Variants in FOXRED1 observed in about 807,000 individuals in gnomAD.
FOXRED1 encodes FAD-dependent oxidoreductase domain-containing protein 1.
In FOXRED1, 52 loss-of-function variants were observed where a neutral mutation model predicts 57.8. The ratio of observed to expected loss-of-function variants is 0.90; its 90% CI spans 0.72 to 1.13. FOXRED1 has a LOEUF of 1.13. Among genes scored for constraint, FOXRED1 ranks in the 50% most tolerant of loss-of-function variants. The probability of loss-of-function intolerance (pLI) is 0.00; values close to 1 mark genes in which losing one functional copy is unlikely to be tolerated. For synonymous variants in FOXRED1, 271 were observed against 248.3 expected (o/e 1.09, Z -0.86); for missense variants, 589 against 625.2 (o/e 0.94, Z 0.62).
At position 126,277,099 on chromosome 11, in the gene FOXRED1, A is replaced by C. The variant is rs1458756902; in HGVS notation, c.1130A>C (p.Glu377Ala). 2 of 1,613,502 alleles carry C rather than the reference A, an allele frequency of 1.2e-6. No individual in the cohort carries two copies. Among genetic ancestry groups the C allele is most frequent in the Non-Finnish European group, 1.7e-6 (2 of 1,179,788 alleles). Residue 377 changes from glutamate (E) to alanine (A), a missense_variant, in exon 10 of 11, where the codon GAA becomes GCA. Glu to Ala is a moderately radical substitution (Grantham distance 107). Transcript: ENST00000263578. This position sits in a 1 kb window ranked among gnomAD's most constrained non-coding sequence, Gnocchi z 6.8. ...EQEEPDPANL[E>A]VDHDFFQDKV... ...GAAGAACCGGACCCGGCGAACCTGG[A>C]AGTGGACCATGATTTCTTCCAGGAC...
At position 126,273,207 on chromosome 11, in the gene FOXRED1, G is replaced by T. The variant is rs1039805478; in HGVS notation, c.417+128G>T. The T allele has an allele frequency of 1.8e-5, 17 of 951,476 alleles. No individual in the cohort carries two copies. The Admixed American group carries it at 2.5e-4, about 14-fold the overall frequency. 58.9% of individuals were successfully genotyped at this position (951,476 alleles called of 1,614,324 possible). On this transcript the variant is annotated intron_variant, in intron 3 of 10. Transcript: ENST00000263578. This position sits in a 1 kb window ranked among gnomAD's most constrained non-coding sequence, Gnocchi z 5.9. ...AGCCAACTAGGAGAGGGGGGCCCTGGCCTTCTTCCTAGTGGTGGTGCCGCA... is the reference window on the plus strand; with the variant it reads ...AGCCAACTAGGAGAGGGGGGCCCTGTCCTTCTTCCTAGTGGTGGTGCCGCA...
At chr11:126,276,571 T>C in intron 9 of FOXRED1, 48 bp downstream of exon 9, 3 of 1,587,460 alleles carry the variant, frequency 1.9e-6, no homozygotes, top group Non-Finnish European at 2.6e-6. Context: ...ATAGAATAAT[T>C]GTCACGAAAC....
Position 126,274,645 on chromosome 11 carries a change from G to T in FOXRED1, c.537-282G>T, listed in dbSNP as rs1253163550. ...CCTGGGTGACAGAGCCAGACTCATT[G>T]AAAAAAAAAAAAAGAAGTCATGGAA... is the stretch of plus-strand genomic sequence containing the variant. On this transcript the variant is annotated intron_variant, in intron 4 of 10. Transcript: ENST00000263578. This position sits in a 1 kb window ranked among gnomAD's most constrained non-coding sequence, Gnocchi z 4.8. 8 of 354,628 alleles carry T rather than the reference G, an allele frequency of 2.3e-5. No individual in the cohort carries two copies. The highest frequency in any genetic ancestry group is 4.3e-5 in the Non-Finnish European group (8 of 186,884). The allele number at this position is 354,628 out of a possible 1,614,324, so 22.0% of individuals were successfully genotyped here.
At position 126,271,490 on chromosome 11, in the gene FOXRED1, G is replaced by A; in HGVS notation, c.139G>A (p.Gly47Arg). 1.9e-6 allele frequency: 3 copies of A among 1,614,148 alleles called. No homozygotes were observed. Among genetic ancestry groups the A allele is most frequent in the Non-Finnish European group, 2.5e-6 (3 of 1,179,960 alleles). The change falls in exon 2 of 11, where the codon GGA becomes AGA. Residue 47 changes from glycine to arginine, a missense_variant. By Grantham distance (125) the Gly-to-Arg change is moderately radical. Transcript: ENST00000263578. This position sits in a 1 kb window ranked among gnomAD's most constrained non-coding sequence, Gnocchi z 5.3. ...GAAGAAGATCAAGTCGATCCTGCCT[G>A]GAAGGTCCTGTGATCTACTGCAAGA... The part of the protein sequence containing the change: ...IKKKIKSILP[G>R]RSCDLLQDTS...
chr11:126,272,769 C>G lies in FOXRED1; in HGVS notation c.307-200C>G. The G allele has an allele frequency of 3.2e-6, 2 of 633,946 alleles. No individual in the cohort carries two copies. The highest frequency in any genetic ancestry group is 5.7e-6 in the Non-Finnish European group (2 of 350,908). 39.3% of individuals were successfully genotyped at this position (633,946 alleles called of 1,614,324 possible). ...TGTCAGCTCTTTCCAGATGACTGAC[C>G]CTCTCTGCTCTGCACATCCACTACT... On this transcript the variant is annotated intron_variant, in intron 2 of 10. Transcript: ENST00000263578. The surrounding 1 kb of genome is among the most constrained non-coding windows in gnomAD (Gnocchi z 4.6).
rs1951059596 is a variant in FOXRED1 at position 126,273,922 on chromosome 11, C to G, written c.536+468C>G. On this transcript the variant is annotated intron_variant, in intron 4 of 10. Coordinates refer to ENST00000263578, the MANE Select transcript of FOXRED1 (RefSeq NM_017547.4). This position sits in a 1 kb window ranked among gnomAD's most constrained non-coding sequence, Gnocchi z 5.9. ...AAGGAGTGTGGCTCATTTATGAAAA[C>G]AGGCAGCAGGTCGGATTTGGCAACC... is the stretch of plus-strand genomic sequence containing the variant. 9.9e-6 allele frequency: 2 copies of G among 201,214 alleles called. No homozygotes were observed. The highest frequency in any genetic ancestry group is 5.3e-5 in the Admixed American group (1 of 18,958). 12.5% of individuals were successfully genotyped at this position (201,214 alleles called of 1,614,324 possible).
In FOXRED1 at chr11:126,271,819, G is replaced by T; in HGVS notation, c.306+162G>T. On this transcript the variant is annotated intron_variant, in intron 2 of 10. Transcript: ENST00000263578. This position sits in a 1 kb window ranked among gnomAD's most constrained non-coding sequence, Gnocchi z 5.3. ...GGACTTTGTTGAGAAATTTTCCTAGGATCTTCCTCAGTCGAACCAGGAAGC... is the reference window on the plus strand; with the variant it reads ...GGACTTTGTTGAGAAATTTTCCTAGTATCTTCCTCAGTCGAACCAGGAAGC... 1.5e-6 allele frequency: 1 copy of T among 681,890 alleles called. No individual in the cohort carries two copies. The highest frequency in any genetic ancestry group is 2.6e-6 in the Non-Finnish European group (1 of 378,558). 42.2% of individuals were successfully genotyped at this position (681,890 alleles called of 1,614,324 possible).
Position 126,277,790 on chromosome 11 carries a change from C to T in FOXRED1, c.*101C>T. The T allele has an allele frequency of 1.5e-6, 2 of 1,325,198 alleles. No individual in the cohort carries two copies. The highest frequency in any genetic ancestry group is 1.4e-5 in the African/African-American group (1 of 69,430). The allele number at this position is 1,325,198 out of a possible 1,614,324, so 82.1% of individuals were successfully genotyped here. ...CCCCAGTACTGTGCCAGGCCTTCTC[C>T]CCCTCCCCAGTGTCCTCTCCTCTCA... On this transcript the variant is annotated 3_prime_UTR_variant, in exon 11 of 11. Transcript: ENST00000263578. This position sits in a 1 kb window ranked among gnomAD's most constrained non-coding sequence, Gnocchi z 6.8.
rs1470948431 is a variant in FOXRED1, at chr11:126,275,483, T to G, written c.733+55T>G. On this transcript the variant is annotated intron_variant, in intron 6 of 10. Transcript: ENST00000263578. The surrounding 1 kb of genome is among the most constrained non-coding windows in gnomAD (Gnocchi z 5.9). ...CGGGGCATAGGCCTAGACTAGGTCT[T>G]ATCTTCTCACTCACAAGCTAAGCAA... 9.7e-6 allele frequency: 12 copies of G among 1,240,664 alleles called. No individual in the cohort carries two copies. The highest frequency in any genetic ancestry group is 1.4e-5 in the Non-Finnish European group (12 of 839,064). 76.9% of individuals were successfully genotyped at this position (1,240,664 alleles called of 1,614,324 possible).
chr11:126,273,185 C>T lies in FOXRED1; in HGVS notation c.417+106C>T, dbSNP rs1951038318. 9 of 959,696 alleles carry T rather than the reference C, an allele frequency of 9.4e-6. No homozygotes were observed. Among genetic ancestry groups the T allele is most frequent in the South Asian group, 1.3e-5 (1 of 78,084 alleles). 59.4% of individuals were successfully genotyped at this position (959,696 alleles called of 1,614,324 possible). A position where few individuals can be genotyped will look rare whatever the true frequency, so the allele number is the denominator to read the frequency against. On this transcript the variant is annotated intron_variant, in intron 3 of 10. Coordinates refer to ENST00000263578, the MANE Select transcript of FOXRED1 (RefSeq NM_017547.4). This position sits in a 1 kb window ranked among gnomAD's most constrained non-coding sequence, Gnocchi z 5.9. ...AGCCAGAGAGCAAGAATGGGTCAGCCAACTAGGAGAGGGGGGCCCTGGCCT... is the reference window on the plus strand; with the variant it reads ...AGCCAGAGAGCAAGAATGGGTCAGCTAACTAGGAGAGGGGGGCCCTGGCCT...
chr11:126,273,365 C>T lies in FOXRED1; in HGVS notation c.447C>T (p.Pro149=). 2 of 1,613,906 alleles carry T rather than the reference C, an allele frequency of 1.2e-6. No individual in the cohort carries two copies. Among genetic ancestry groups the T allele is most frequent in the South Asian group, 1.1e-5 (1 of 91,080 alleles). The change falls in exon 4 of 11, where the codon CCC becomes CCT. Residue 149 remains proline, a synonymous_variant. Transcript: ENST00000263578. The surrounding 1 kb of genome is among the most constrained non-coding windows in gnomAD (Gnocchi z 5.9). ...NEYLAVVDAP[P]LDLRFNPSGY... ...ACCTGGCCGTAGTCGATGCTCCTCC[C>T]CTGGACCTCCGGTTCAACCCCTCGG... is the stretch of plus-strand genomic sequence containing the variant.
Position 126,275,930 on chromosome 11 carries a change from C to T in FOXRED1, c.810+60C>T, listed in dbSNP as rs1284473621. 1 of 1,541,066 alleles carries T rather than the reference C, an allele frequency of 6.5e-7. No individual in the cohort carries two copies. Among genetic ancestry groups the T allele is most frequent in the Non-Finnish European group, 9.0e-7 (1 of 1,113,918 alleles). On this transcript the variant is annotated intron_variant, in intron 7 of 10. Transcript: ENST00000263578. The surrounding 1 kb of genome is among the most constrained non-coding windows in gnomAD (Gnocchi z 5.9). ...TGGAGGGACAGGGAAGGTAGTGACT[C>T]TCCTTGTTTTGGTTTTCTTTGACCC... is the stretch of plus-strand genomic sequence containing the variant.
At position 126,275,900 on chromosome 11, in the gene FOXRED1, CAAA is replaced by C. The variant is rs1262629680; in HGVS notation, c.810+32_810+34del. The C allele has an allele frequency of 9.6e-6, 15 of 1,561,346 alleles. No individual in the cohort carries two copies. The highest frequency in any genetic ancestry group is 1.3e-5 in the Non-Finnish European group (15 of 1,132,080). On this transcript the variant is annotated intron_variant, in intron 7 of 10. Coordinates refer to ENST00000263578, the MANE Select transcript of FOXRED1 (RefSeq NM_017547.4). The surrounding 1 kb of genome is among the most constrained non-coding windows in gnomAD (Gnocchi z 5.9). ...GTTTCTAGTCTGTGATGTCCTTTAC[CAAA>C]ATGGAGGGACAGGGAAGGTAGTGAC... is the stretch of plus-strand genomic sequence containing the variant.
Position 126,271,919 on chromosome 11 carries a change from T to C in FOXRED1, c.306+262T>C, listed in dbSNP as rs986683929. ...TTTCGAGATCTCATAGCTCTGGTCATGAGAGCCTGCATTCAAGCTATAATT... is the reference window on the plus strand; with the variant it reads ...TTTCGAGATCTCATAGCTCTGGTCACGAGAGCCTGCATTCAAGCTATAATT... On this transcript the variant is annotated intron_variant, in intron 2 of 10. Coordinates refer to ENST00000263578, the MANE Select transcript of FOXRED1 (RefSeq NM_017547.4). The surrounding 1 kb of genome is among the most constrained non-coding windows in gnomAD (Gnocchi z 5.3). The C allele has an allele frequency of 1.7e-5, 8 of 470,456 alleles. No homozygotes were observed. Among genetic ancestry groups the C allele is most frequent in the African/African-American group, 7.9e-5 (4 of 50,826 alleles). The allele number at this position is 470,456 out of a possible 1,614,324, so 29.1% of individuals were successfully genotyped here.
chr11:126,277,700 T>C lies in FOXRED1; in HGVS notation c.*11T>C, dbSNP rs1951196285. ...AACAACATCATCTGAGCATGTGTGCTCTGCACTGGCTCCACTGGCTTGCAT... is the reference window on the plus strand; with the variant it reads ...AACAACATCATCTGAGCATGTGTGCCCTGCACTGGCTCCACTGGCTTGCAT... On this transcript the variant is annotated 3_prime_UTR_variant, in exon 11 of 11. Transcript: ENST00000263578. The surrounding 1 kb of genome is among the most constrained non-coding windows in gnomAD (Gnocchi z 6.8). 1 of 1,613,264 alleles carries C rather than the reference T, an allele frequency of 6.2e-7. No homozygotes were observed.
In FOXRED1 at chr11:126,273,665, T is replaced by C; in HGVS notation, c.536+211T>C. 1 of 593,140 alleles carries C rather than the reference T, an allele frequency of 1.7e-6. No homozygotes were observed. Among genetic ancestry groups the C allele is most frequent in the African/African-American group, 1.8e-5 (1 of 54,344 alleles). The allele number at this position is 593,140 out of a possible 1,614,324, so 36.7% of individuals were successfully genotyped here. ...AAAACACTGCGAGGTGCTTCCTAAT[T>C]TGTCAGATCATGAAAACCACCTGGA... On this transcript the variant is annotated intron_variant, in intron 4 of 10. Coordinates refer to ENST00000263578, the MANE Select transcript of FOXRED1 (RefSeq NM_017547.4). This position sits in a 1 kb window ranked among gnomAD's most constrained non-coding sequence, Gnocchi z 5.9.
At position 126,272,111 on chromosome 11, in the gene FOXRED1, A is replaced by T. The variant is rs527461106; in HGVS notation, c.306+454A>T. Among the ~76,000 whole-genome samples the T allele has an allele frequency of 4.4e-4, 67 of 151,904 alleles. No individual in the cohort carries two copies. In the Middle Eastern group the frequency reaches 0.014, roughly 31 times the overall value. Reference sequence around the variant, plus strand: ...TGAGTAGCTGAGATTACAGGGACACACCCTGATGCCCAGCTATTTTTTGTA... The same window carrying T: ...TGAGTAGCTGAGATTACAGGGACACTCCCTGATGCCCAGCTATTTTTTGTA... On this transcript the variant is annotated intron_variant, in intron 2 of 10. Transcript: ENST00000263578. This position sits in a 1 kb window ranked among gnomAD's most constrained non-coding sequence, Gnocchi z 4.6.
chr11:126,269,467 A>G, intron 1 of FOXRED1, 176 bp downstream of exon 1: 2 of 1,268,100 alleles, frequency 1.6e-6, no homozygotes, highest in Non-Finnish European at 2.2e-6. Context: ...ATGGCTCCCA[A>G]GGCGGCCCTT....
In FOXRED1 at chr11:126,271,734, G is replaced by A; in HGVS notation, c.306+77G>A. ...TTTTATTAAGGACTCTAGCGACAAG[G>A]GAAGGAGAGGAGGGGAAGACCTCAA... On this transcript the variant is annotated intron_variant, in intron 2 of 10. Coordinates refer to ENST00000263578, the MANE Select transcript of FOXRED1 (RefSeq NM_017547.4). This position sits in a 1 kb window ranked among gnomAD's most constrained non-coding sequence, Gnocchi z 5.3. 8.5e-7 allele frequency: 1 copy of A among 1,180,082 alleles called. No homozygotes were observed. 73.1% of individuals were successfully genotyped at this position (1,180,082 alleles called of 1,614,324 possible).
Sources: gnomAD v4.1 joint callset for allele counts (sites outside exome capture counted in the v4.1 genomes callset) on GRCh38, gnomAD v4.1.1 for gene constraint, Gnocchi (gnomAD v3.1) non-coding constraint, MANE v1.5 for transcripts, NCBI Gene and HGNC (gene_info 2026-07-23, HGNC 2026-07-21) for gene names.